The following DIP2A variants were observed in gnomAD, a reference collection of about 807,000 sequenced individuals.
DIP2A encodes the protein disco-interacting protein 2 homolog A.
DIP2A carries 85 observed loss-of-function variants against 177.4 expected under a neutral mutation model. The ratio of observed to expected loss-of-function variants is 0.48; its 90% CI spans 0.40 to 0.57. The LOEUF is 0.57. Among genes scored for constraint, DIP2A ranks in the 20% least tolerant of loss-of-function variants. The pLI is 0.00. For missense variants in DIP2A, 1,791 were observed against 2,100.2 expected (o/e 0.85, Z 2.88); for synonymous variants, 886 against 881.8 (o/e 1.00, Z -0.08).
intron 35 of DIP2A, 46 bp from the exon 36 acceptor site, chr21:46,565,667 T>C (rs1183642934): frequency 6.4e-7 from 1 of 1,561,440 alleles, no homozygotes; most frequent in South Asian, 1.2e-5. Flanking sequence ...GAATCTGAAC[T>C]CGGTGGTTGG....
At chr21:46,525,906 ATTATTATTATT>A (rs1395391031) in intron 8 of DIP2A, among the ~76,000 whole-genome samples, 1 of 103,990 alleles carries the variant, frequency 9.6e-6, no homozygotes, top group East Asian at 3.2e-4. Flanking sequence ...TATTATTATT[ATTATTATTATT>A]ATTATTTTGA....
the DIP2A span, among the ~76,000 whole-genome samples, chr21:46,580,715 C>G: frequency 6.6e-6 from 1 of 152,124 alleles, no homozygotes; most frequent in Non-Finnish European, 1.5e-5. Flanking sequence ...CTTAATTTGA[C>G]CATATATAAA....
intron 8 of DIP2A, among the ~76,000 whole-genome samples, chr21:46,524,875 T>C (rs61464224): frequency 3.9e-4 from 12 of 30,548 alleles, no homozygotes; most frequent in African/African-American, 2.7e-3. Flanking sequence ...CTTTTTGCTT[T>C]TTTTTTTTTT....
Position 46,545,175 on chromosome 21 carries a change from C to T in DIP2A, c.2215C>T (p.Leu739Phe). The T allele has an allele frequency of 1.2e-6, 2 of 1,607,568 alleles. No individual in the cohort carries two copies. The highest frequency in any genetic ancestry group is 2.2e-5 in the East Asian group (1 of 44,664). ...CVVKLEGTPY[L>F]CKTDEVGEIC... The stretch of plus-strand genomic sequence containing the variant: ...TGTGAAGTTAGAAGGTACCCCTTAT[C>T]TTTGTAAAACTGATGAAGTGGGAGA... The change falls in exon 19 of 38, where the codon CTT (leucine) becomes TTT (phenylalanine). Residue 739 changes from leucine to phenylalanine, a missense_variant. By Grantham distance (22) the Leu-to-Phe change is conservative. Coordinates refer to ENST00000417564, the MANE Select transcript of DIP2A (RefSeq NM_015151.4).
intron 3 of DIP2A, among the ~76,000 whole-genome samples, chr21:46,493,567 G>C (rs2057143458): frequency 6.6e-6 from 1 of 151,116 alleles, no homozygotes; most frequent in African/African-American, 2.4e-5. Flanking sequence ...AACACTTTTT[G>C]TCTTCAAAAC....
chr21:46,554,786 G>GGGGGGGGGGGGGGCCCC, intron 27 of DIP2A, 36 bp from the exon 28 acceptor site: 4 of 1,519,042 alleles, frequency 2.6e-6, no homozygotes, highest in Non-Finnish European at 3.5e-6. Context: ...AGCTTGAGAG[G>GGGGGGGGGGGGGGCCCC]CCCCGCCCAC....
chr21:46,544,697 T>C (rs997783258), intron 18 of DIP2A, among the ~76,000 whole-genome samples: 4 of 152,084 alleles, frequency 2.6e-5, no homozygotes, highest in African/African-American at 9.7e-5. Context: ...ATAAGGTTAC[T>C]AGAAAGGGGG....
chr21:46,575,243 GA>G, the DIP2A span, among the ~76,000 whole-genome samples: 12 of 151,860 alleles, frequency 7.9e-5, no homozygotes, highest in African/African-American at 2.4e-4. Context: ...AATGATTAAA[GA>G]AAAAAACAAC....
intron 1 of DIP2A, among the ~76,000 whole-genome samples, chr21:46,470,871 G>T (rs556387827): frequency 1.5e-4 from 23 of 150,402 alleles, no homozygotes; most frequent in African/African-American, 5.4e-4. Flanking sequence ...GGAGGTTGCA[G>T]TGAGCCAAGA....
intron 7 of DIP2A, among the ~76,000 whole-genome samples, 187 bp from the exon 8 acceptor site, chr21:46,511,230 A>T (rs1224414016): frequency 1.3e-5 from 2 of 152,208 alleles, no homozygotes; most frequent in African/African-American, 2.4e-5. Flanking sequence ...GTCATCATCC[A>T]TGACTAAAGC....
intron 8 of DIP2A, among the ~76,000 whole-genome samples, chr21:46,521,962 G>A (rs2058843162): frequency 6.7e-6 from 1 of 149,382 alleles, no homozygotes; most frequent in South Asian, 2.1e-4. Flanking sequence ...TTTCACACTT[G>A]CAGGTAGAAC....
In DIP2A at chr21:46,563,848, C is replaced by T. The variant is rs770864575; in HGVS notation, c.4090-10C>T. ...TTCTTTAACAAGGGACATAGCTCTC[C>T]TCCTTCCAGATCCTCCCCGGCGTGA... is the stretch of plus-strand genomic sequence containing the variant. On this transcript the variant is annotated splice_polypyrimidine_tract_variant and intron_variant, in intron 34 of 37. Coordinates refer to ENST00000417564, the MANE Select transcript of DIP2A (RefSeq NM_015151.4). This position sits in a 1 kb window ranked among gnomAD's most constrained non-coding sequence, Gnocchi z 4.3. 1 of 1,613,198 alleles carries T rather than the reference C, an allele frequency of 6.2e-7. No individual in the cohort carries two copies. Among genetic ancestry groups the T allele is most frequent in the South Asian group, 1.1e-5 (1 of 90,796 alleles).
intron 8 of DIP2A, among the ~76,000 whole-genome samples, chr21:46,521,192 T>C (rs927482877): frequency 2.0e-5 from 3 of 152,220 alleles, no homozygotes; most frequent in Non-Finnish European, 4.4e-5. Context: ...TTGTTTTCTT[T>C]TCTTTTTTTT....
intron 1 of DIP2A, among the ~76,000 whole-genome samples, chr21:46,480,984 G>T (rs1186660714): frequency 6.6e-6 from 1 of 152,150 alleles, no homozygotes; most frequent in Non-Finnish European, 1.5e-5. Flanking sequence ...TGATTTGCTT[G>T]AGCCCAGAAG....
At chr21:46,495,244 T>G (rs55881153) in intron 3 of DIP2A, among the ~76,000 whole-genome samples, 1 of 38,176 alleles carries the variant, frequency 2.6e-5, no homozygotes, top group Non-Finnish European at 4.9e-5. Flanking sequence ...CTTCTCTTCT[T>G]TCTCTCTCTC....
At chr21:46,478,259 C>A (rs879930310) in intron 1 of DIP2A, among the ~76,000 whole-genome samples, 2 of 151,750 alleles carry the variant, frequency 1.3e-5, no homozygotes, top group Non-Finnish European at 2.9e-5. Context: ...GTTGCCCAGG[C>A]TGGAGTGCAA....
intron 21 of DIP2A, among the ~76,000 whole-genome samples, chr21:46,548,357 C>A (rs762460006): frequency 1.3e-5 from 2 of 152,136 alleles, no homozygotes; most frequent in African/African-American, 2.4e-5. Flanking sequence ...AGGGAGACCA[C>A]CCCCTCGCAG....
Position 46,545,139 on chromosome 21 carries a change from A to C in DIP2A, c.2179A>C (p.Asn727His). 1 of 1,572,664 alleles carries C rather than the reference A, an allele frequency of 6.4e-7. No individual in the cohort carries two copies. The highest frequency in any genetic ancestry group is 1.4e-5 in the African/African-American group (1 of 73,630). ...TTGAGTTTTTTTTCTCATTTTAGCT[A>C]ATGTATGTGTTGTGAAGTTAGAAGG... ...QDVGQVMPGA[N>H]VCVVKLEGTP... Residue 727 changes from asparagine to histidine, a missense_variant and splice_region_variant, in exon 19 of 38, where the codon AAT becomes CAT. By Grantham distance (68) the Asn-to-His change is moderately conservative. Coordinates refer to ENST00000417564, the MANE Select transcript of DIP2A (RefSeq NM_015151.4).
intron 5 of DIP2A, among the ~76,000 whole-genome samples, chr21:46,502,437 ATTTTTTTTT>A (rs36011338): frequency 6.0e-4 from 27 of 44,866 alleles, no homozygotes; most frequent in South Asian, 4.7e-3. Flanking sequence ...GCTAGTGTTG[ATTTTTTTTT>A]TTTTTTTTTT....
Sources: allele counts gnomAD v4.1 joint callset (sites outside exome capture counted in the v4.1 genomes callset), GRCh38; gene constraint gnomAD v4.1.1; non-coding constraint Gnocchi (gnomAD v3.1); transcripts MANE v1.5; gene names NCBI Gene and HGNC (gene_info 2026-07-23, HGNC 2026-07-21).